IL1RAPL2: variants seen among roughly 807,000 people sequenced by gnomAD.
IL1RAPL2 encodes X-linked interleukin-1 receptor accessory protein-like 2.
A neutral mutation model predicts 44.1 loss-of-function variants in IL1RAPL2; 3 were observed. That is an observed-to-expected ratio of 0.07 (90% CI 0.03 to 0.18). IL1RAPL2 has a LOEUF of 0.18. IL1RAPL2 is among the 10% of genes least tolerant of loss of function. The pLI, the probability that IL1RAPL2 is intolerant of heterozygous loss-of-function variation, is 1.00. For synonymous variants in IL1RAPL2, 181 were observed against 178.8 expected (o/e 1.01, Z -0.10); for missense variants, 391 against 496.4 (o/e 0.79, Z 2.02).
At chrX:104,974,612 TAAA>T (rs1199925758) in intron 2 of IL1RAPL2, among the ~76,000 whole-genome samples, 6 of 111,764 alleles carry the variant, frequency 5.4e-5, no homozygotes, top group Admixed American at 2.8e-4. Flanking sequence ...TAGCATCAAA[TAAA>T]GAAGGAAGCT....
At chrX:105,189,099 C>A (rs578138361) in intron 2 of IL1RAPL2, among the ~76,000 whole-genome samples, 121 of 112,088 alleles carry the variant, frequency 1.1e-3, no homozygotes, top group Non-Finnish European at 1.4e-3. Context: ...GCATTCAACT[C>A]CCACATTAAA....
At chrX:104,936,828 G>A (rs1204882393) in intron 2 of IL1RAPL2, among the ~76,000 whole-genome samples, 4 of 110,195 alleles carry the variant, frequency 3.6e-5, no homozygotes, top group African/African-American at 9.9e-5. Flanking sequence ...GAATGGTCTC[G>A]ATCTCCTGAC....
At chrX:105,052,205 T>C (rs1316166313) in intron 2 of IL1RAPL2, among the ~76,000 whole-genome samples, 2 of 111,799 alleles carry the variant, frequency 1.8e-5, no homozygotes, top group Non-Finnish European at 3.8e-5. Flanking sequence ...CAAAGAGGCC[T>C]TCCTCTAGCC....
intron 2 of IL1RAPL2, among the ~76,000 whole-genome samples, chrX:104,685,037 G>A (rs1264289233): frequency 8.9e-6 from 1 of 112,378 alleles, no homozygotes; most frequent in Non-Finnish European, 1.9e-5. Context: ...TTGAGACAGA[G>A]ACAGGAAGGG....
intron 2 of IL1RAPL2, among the ~76,000 whole-genome samples, chrX:104,943,914 A>G (rs779817128): frequency 1.7e-4 from 19 of 112,146 alleles, no homozygotes; most frequent in African/African-American, 5.5e-4. Flanking sequence ...CAGGATTAGC[A>G]CTCAATAAAT....
At chrX:105,079,535 C>A (rs1023245653) in intron 2 of IL1RAPL2, among the ~76,000 whole-genome samples, 2 of 109,307 alleles carry the variant, frequency 1.8e-5, no homozygotes, top group Non-Finnish European at 3.8e-5. Context: ...TGAACTCATC[C>A]TTTTTTATGG....
At chrX:105,442,579 A>G (rs936425906) in intron 5 of IL1RAPL2, among the ~76,000 whole-genome samples, 8 of 109,602 alleles carry the variant, frequency 7.3e-5, no homozygotes, top group African/African-American at 2.1e-4. Context: ...AATGATACCA[A>G]CCTCCCATCT....
At chrX:104,830,693 C>T (rs924438410) in intron 2 of IL1RAPL2, among the ~76,000 whole-genome samples, 2 of 111,592 alleles carry the variant, frequency 1.8e-5, no homozygotes, top group African/African-American at 6.5e-5. Flanking sequence ...AGGTGACCAT[C>T]GTCAATTTAC....
intron 2 of IL1RAPL2, among the ~76,000 whole-genome samples, chrX:104,817,471 A>T (rs983448064): frequency 1.8e-5 from 2 of 111,644 alleles, no homozygotes; most frequent in African/African-American, 6.5e-5. Flanking sequence ...CTTGTATCTG[A>T]GGCTGATCCT....
At chrX:104,644,705 C>A (rs1209848477) in intron 1 of IL1RAPL2, among the ~76,000 whole-genome samples, 1 of 110,871 alleles carries the variant, frequency 9.0e-6, no homozygotes, top group Non-Finnish European at 1.9e-5. Context: ...GATGGTATTC[C>A]CCCAAACCAG....
chrX:105,078,602 T>G (rs2032349622), intron 2 of IL1RAPL2, among the ~76,000 whole-genome samples: 1 of 112,599 alleles, frequency 8.9e-6, no homozygotes. Flanking sequence ...TATTGCTGTC[T>G]TTTGTTTGTC....
intron 2 of IL1RAPL2, among the ~76,000 whole-genome samples, chrX:104,781,063 AG>A (rs1482064002): frequency 1.2e-5 from 1 of 85,364 alleles, no homozygotes; most frequent in African/African-American, 4.0e-5. Flanking sequence ...TACTTTACTT[AG>A]TTTTATTTTT....
intron 2 of IL1RAPL2, among the ~76,000 whole-genome samples, chrX:104,810,353 A>G (rs1368531221): frequency 2.7e-5 from 3 of 110,918 alleles, no homozygotes; most frequent in African/African-American, 9.8e-5. Flanking sequence ...AGCATGTCAC[A>G]TGTATACATA....
At chrX:104,674,961 T>G (rs1276160662) in intron 2 of IL1RAPL2, among the ~76,000 whole-genome samples, 1 of 111,573 alleles carries the variant, frequency 9.0e-6, no homozygotes, top group Admixed American at 9.5e-5. Context: ...TTATAATTTT[T>G]TATTGCGTCT....
chrX:105,269,641 C>T (rs2034432305), intron 5 of IL1RAPL2, among the ~76,000 whole-genome samples: 1 of 111,462 alleles, frequency 9.0e-6, no homozygotes, highest in African/African-American at 3.3e-5. Flanking sequence ...GACTTCCCTG[C>T]CTCATTTATG....
At chrX:105,467,592 G>A (rs1215726001) in intron 5 of IL1RAPL2, among the ~76,000 whole-genome samples, 1 of 110,233 alleles carries the variant, frequency 9.1e-6, no homozygotes, top group Admixed American at 9.7e-5. Flanking sequence ...GTCCAGGGTT[G>A]GTATAGTGAC....
At chrX:105,018,113 A>G (rs1184681431) in intron 2 of IL1RAPL2, among the ~76,000 whole-genome samples, 1 of 111,587 alleles carries the variant, frequency 9.0e-6, no homozygotes. Flanking sequence ...GGCAATTTAA[A>G]TAGACTGGAA....
At chrX:105,064,811 G>T (rs770050864) in intron 2 of IL1RAPL2, among the ~76,000 whole-genome samples, 1 of 111,633 alleles carries the variant, frequency 9.0e-6, no homozygotes, top group African/African-American at 3.3e-5. Flanking sequence ...CATCTTAGGG[G>T]TTGCAGAATT....
intron 7 of IL1RAPL2, among the ~76,000 whole-genome samples, chrX:105,722,061 A>G (rs1290943203): frequency 9.0e-6 from 1 of 111,711 alleles, no homozygotes; most frequent in Non-Finnish European, 1.9e-5. Flanking sequence ...TGCAAACATC[A>G]TCGAGTGTAC....
Sources: gnomAD v4.1 joint callset for allele counts (sites outside exome capture counted in the v4.1 genomes callset) on GRCh38, gnomAD v4.1.1 for gene constraint, MANE v1.5 for transcripts, NCBI Gene and HGNC (gene_info 2026-07-23, HGNC 2026-07-21) for gene names.